Variants in NDRG2 observed in about 807,000 individuals in gnomAD.
The protein encoded by NDRG2 is NDRG family member 2.
A neutral mutation model predicts 58.2 loss-of-function variants in NDRG2; 34 were observed. The observed-to-expected ratio is 0.58, with a 90% confidence interval of 0.44 to 0.78. NDRG2 has a LOEUF of 0.78. Among genes scored for constraint, NDRG2 ranks in the 30% least tolerant of loss-of-function variants. The probability of loss-of-function intolerance (pLI) is 0.00; values close to 1 mark genes in which losing one functional copy is unlikely to be tolerated. For synonymous variants in NDRG2, 187 were observed against 175.9 expected (o/e 1.06, Z -0.50); for missense variants, 434 against 471.2 (o/e 0.92, Z 0.73).
At chr14:21,030,135 T>G (rs75695259), upstream of NDRG2, 6,161 of 155,152 alleles carry the variant, frequency 0.04, 422 homozygotes, top group African/African-American at 0.14. Context: ...TTGAAGGCAA[T>G]GGCTGTAGCT....
chr14:21,018,136 A>T, intron 14 of NDRG2, 68 bp downstream of exon 14: 1 of 1,599,358 alleles, frequency 6.3e-7, no homozygotes, highest in South Asian at 1.1e-5. Flanking sequence ...TGTGTGGCAA[A>T]GGGCAGAGCC....
At chr14:21,057,794 T>C in intron 1 of NDRG2, 1 of 1,024,282 alleles carries the variant, frequency 9.8e-7, no homozygotes, top group Non-Finnish European at 1.4e-6. Flanking sequence ...ATAACTGGCT[T>C]AGGGTATGAA....
chr14:21,022,798 G>T, intron 3 of NDRG2, 66 bp downstream of exon 3: 1 of 1,521,706 alleles, frequency 6.6e-7, no homozygotes, highest in Non-Finnish European at 9.0e-7. Flanking sequence ...CCAAGCAGAG[G>T]CCATCCTTCT....
chr14:21,018,527 T>C, intron 12 of NDRG2, 23 bp from the exon 13 acceptor site: 1 of 1,613,216 alleles, frequency 6.2e-7, no homozygotes, highest in Non-Finnish European at 8.5e-7. Flanking sequence ...GGAGGCTGAA[T>C]GAATGAGGTC....
At chr14:21,042,102 T>G (rs1884924498) in intron 1 of NDRG2, 2 of 152,232 alleles carry the variant, frequency 1.3e-5, no homozygotes, top group African/African-American at 2.4e-5. Flanking sequence ...CTGGGTCAGG[T>G]GCTCTATTAA....
upstream of NDRG2, chr14:21,025,962 C>T (rs1384440104): frequency 1.3e-5 from 2 of 153,530 alleles, no homozygotes; most frequent in East Asian, 3.9e-4. The surrounding 1 kb of genome is among the most constrained non-coding windows in gnomAD (Gnocchi z 5.1). Context: ...TTGGGGAGGA[C>T]GCAGTGTCCT....
chr14:21,034,335 G>A (rs768009356), intron 1 of NDRG2: 9 of 1,420,366 alleles, frequency 6.3e-6, no homozygotes, highest in Non-Finnish European at 7.8e-6. Context: ...CAGTGGGCCT[G>A]AAGTGGCTGT....
intron 1 of NDRG2, among the ~76,000 whole-genome samples, chr14:21,046,149 TATA>T (rs964022007): frequency 6.6e-6 from 1 of 152,210 alleles, no homozygotes; most frequent in Non-Finnish European, 1.5e-5. Flanking sequence ...AGAATTATGA[TATA>T]ATCTAATTTC....
chr14:21,067,761 TACACACAC>T (rs3061993), intron 1 of NDRG2, among the ~76,000 whole-genome samples: 57 of 150,126 alleles, frequency 3.8e-4, no homozygotes, highest in African/African-American at 1.3e-3. Context: ...TGTACACACG[TACACACAC>T]ACACACACAC....
At chr14:21,041,223 G>C (rs1169148722) in intron 1 of NDRG2, among the ~76,000 whole-genome samples, 1 of 152,098 alleles carries the variant, frequency 6.6e-6, no homozygotes, top group Non-Finnish European at 1.5e-5. Flanking sequence ...TTGAATTCGT[G>C]GCCTTAGGCA....
chr14:21,036,243 T>C, intron 1 of NDRG2: 1 of 456,332 alleles, frequency 2.2e-6, no homozygotes, highest in Non-Finnish European at 4.4e-6. Flanking sequence ...CCAGTAAGAC[T>C]CAACTCAAAT....
chr14:21,065,030 G>T (rs372892325), intron 1 of NDRG2, among the ~76,000 whole-genome samples: 1 of 152,116 alleles, frequency 6.6e-6, no homozygotes, highest in South Asian at 2.1e-4. Context: ...AATTAGCCAG[G>T]CCTGGTGGCG....
Position 21,060,959 on chromosome 14 carries a change from T to G in NDRG2, c.24+9869A>C, listed in dbSNP as rs148999798. ...CACTGGGTTCCTAACGTGTGCTCAATACACATTACGGCCTTGGAGGGGGCC... is the reference window on the plus strand; with the variant it reads ...CACTGGGTTCCTAACGTGTGCTCAAGACACATTACGGCCTTGGAGGGGGCC... On this transcript the variant is annotated intron_variant, in intron 1 of 14. Transcript: ENST00000403829. Among the ~76,000 whole-genome samples, 417 of 152,322 alleles carry G rather than the reference T, an allele frequency of 2.7e-3. 1 individual carries two copies. The highest frequency in any genetic ancestry group is 9.5e-3 in the African/African-American group (396 of 41,558).
intron 2 of NDRG2, 21 bp downstream of exon 2, chr14:21,023,220 A>G: frequency 1.2e-6 from 2 of 1,608,820 alleles, no homozygotes; most frequent in Middle Eastern, 3.3e-4. Flanking sequence ...TGGGCATGGG[A>G]GTCAAACGGT....
At chr14:21,022,666 T>G in intron 3 of NDRG2, 169 bp from the exon 4 acceptor site, 2 of 666,850 alleles carry the variant, frequency 3.0e-6, no homozygotes, top group South Asian at 2.0e-5. Flanking sequence ...GAAGATGAGT[T>G]TGAGGATAAG....
At chr14:21,033,273 G>T (rs910690389) in intron 1 of NDRG2, 3 of 316,382 alleles carry the variant, frequency 9.5e-6, no homozygotes, top group African/African-American at 4.4e-5. Context: ...AGAGAAGCAG[G>T]CTGGAAACTG....
intron 1 of NDRG2, chr14:21,030,941 G>T (rs2139074827): frequency 1.3e-6 from 2 of 1,547,906 alleles, no homozygotes; most frequent in Non-Finnish European, 1.7e-6. Flanking sequence ...ATCTGAGTGA[G>T]GCAAGAGTTG....
At chr14:21,032,744 C>A (rs1057294807) in intron 1 of NDRG2, 6 of 364,622 alleles carry the variant, frequency 1.6e-5, no homozygotes, top group African/African-American at 4.3e-5. Context: ...CCAGATGAGG[C>A]AGGCTGCCAG....
intron 1 of NDRG2, among the ~76,000 whole-genome samples, chr14:21,036,626 C>G (rs928359257): frequency 1.3e-5 from 2 of 152,178 alleles, no homozygotes; most frequent in African/African-American, 4.8e-5. Flanking sequence ...ATGTGTACAA[C>G]TGCATCTGCA....
Sources: gnomAD v4.1 joint callset for allele counts (sites outside exome capture counted in the v4.1 genomes callset) on GRCh38, gnomAD v4.1.1 for gene constraint, Gnocchi (gnomAD v3.1) non-coding constraint, MANE v1.5 for transcripts, NCBI Gene and HGNC (gene_info 2026-07-23, HGNC 2026-07-21) for gene names.